UNC80: variants seen among roughly 807,000 people sequenced by gnomAD.
The protein encoded by UNC80 is unc-80 subunit of NALCN channel complex.
Under a neutral mutation model 384.6 loss-of-function variants are expected in UNC80, and 164 were observed. That is an observed-to-expected ratio of 0.43 (90% CI 0.38 to 0.49). The LOEUF is 0.49. Among genes scored for constraint, UNC80 ranks in the 20% least tolerant of loss-of-function variants. The probability of loss-of-function intolerance (pLI) is 0.00; values close to 1 mark genes in which losing one functional copy is unlikely to be tolerated. For synonymous variants in UNC80, 1,486 were observed against 1,527.8 expected, an observed-to-expected ratio of 0.97 and a Z score of 0.64; for missense variants, 3,330 against 4,143.0, an observed-to-expected ratio of 0.80 and a Z score of 5.39.
Position 209,976,885 on chromosome 2 carries a change from C to T in UNC80, c.8773-28C>T, listed in dbSNP as rs2093027639. On this transcript the variant is annotated intron_variant, in intron 57 of 64. Transcript: ENST00000673920. This position sits in a 1 kb window ranked among gnomAD's most constrained non-coding sequence, Gnocchi z 4.3. The stretch of plus-strand genomic sequence containing the variant: ...CCATTTTATGGATGGAAAATTGAGG[C>T]CCTGAGAATGTTATGCCTTCCTTTC... The T allele has an allele frequency of 1.3e-6, 2 of 1,486,834 alleles. No individual in the cohort carries two copies. Among genetic ancestry groups the T allele is most frequent in the South Asian group, 1.3e-5 (1 of 78,822 alleles). 92.1% of individuals were successfully genotyped at this position (1,486,834 alleles called of 1,614,324 possible).
rs2093495459 is a variant in UNC80 at position 209,997,109 on chromosome 2, T to G, written c.*1514T>G. 2 of 152,156 alleles carry G rather than the reference T, an allele frequency of 1.3e-5. No homozygotes were observed. The highest frequency in any genetic ancestry group is 6.5e-5 in the Admixed American group (1 of 15,288). 9.4% of individuals were successfully genotyped at this position (152,156 alleles called of 1,614,324 possible). ...GAATTGCTTATTAAATAGGCATACT[T>G]TATACTGTGGTTTATAATTTCAAAT... is the stretch of plus-strand genomic sequence containing the variant. On this transcript the variant is annotated 3_prime_UTR_variant, in exon 65 of 65. Transcript: ENST00000673920.
chr2:209,925,441 T>C (rs994049975), intron 35 of UNC80, among the ~76,000 whole-genome samples: 5 of 152,180 alleles, frequency 3.3e-5, no homozygotes, highest in Admixed American at 6.5e-5. Context: ...GCAAGATTTA[T>C]TGTGAAGAGC....
In UNC80 at chr2:209,815,373, C is replaced by A. The variant is rs2079657196; in HGVS notation, c.1317C>A (p.Gly439=). 6.4e-7 allele frequency: 1 copy of A among 1,551,076 alleles called. No individual in the cohort carries two copies. The highest frequency in any genetic ancestry group is 8.7e-7 in the Non-Finnish European group (1 of 1,146,800). The part of the protein sequence containing the change: ...SAVPDLSSDL[G]MNIFKKFKSR... The stretch of plus-strand genomic sequence containing the variant: ...TCCCAGATCTTTCTTCAGACCTGGG[C>A]ATGAATATTTTTAAAAAGGTGAGTA... The change falls in exon 9 of 65, where the codon GGC becomes GGA. Residue 439 remains glycine, a synonymous_variant. Coordinates refer to ENST00000673920, the MANE Select transcript of UNC80 (RefSeq NM_001371986.1).
intron 11 of UNC80, among the ~76,000 whole-genome samples, chr2:209,818,650 T>C (rs964335379): frequency 1.3e-5 from 2 of 152,214 alleles, no homozygotes; most frequent in East Asian, 1.9e-4. Flanking sequence ...TATAAACAAA[T>C]AGTTTATATC....
At chr2:209,922,663 C>G (rs945478546) in intron 35 of UNC80, among the ~76,000 whole-genome samples, 8 of 152,164 alleles carry the variant, frequency 5.3e-5, no homozygotes, top group African/African-American at 1.9e-4. Flanking sequence ...AGTTCTCCAC[C>G]TAGCTACAGT....
intron 38 of UNC80, among the ~76,000 whole-genome samples, chr2:209,932,921 T>A (rs576664123): frequency 6.6e-6 from 1 of 152,180 alleles, no homozygotes; most frequent in Non-Finnish European, 1.5e-5. Flanking sequence ...TGGCCCTCCT[T>A]AGGGTGTCCA....
chr2:209,813,920 T>C (rs2079543260), intron 8 of UNC80, 79 bp downstream of exon 8: 2 of 1,484,964 alleles, frequency 1.3e-6, no homozygotes, highest in African/African-American at 1.4e-5. Context: ...TGCATCCAGC[T>C]CTTAGGTACT....
intron 25 of UNC80, among the ~76,000 whole-genome samples, chr2:209,883,171 A>G (rs1156762897): frequency 6.6e-6 from 1 of 152,160 alleles, no homozygotes; most frequent in Non-Finnish European, 1.5e-5. Flanking sequence ...GCCACATTCT[A>G]ACTTATTGAA....
At chr2:209,970,697 G>GAAAGA in intron 53 of UNC80, 135 bp from the exon 54 acceptor site, 2 of 1,192,456 alleles carry the variant, frequency 1.7e-6, no homozygotes, top group Non-Finnish European at 2.3e-6. Context: ...AAGGCAACAA[G>GAAAGA]AAAGAAAAGA....
chr2:209,818,019 A>G lies in UNC80; in HGVS notation c.1693+67A>G, dbSNP rs371867569. ...TTTTTTTGTTTTCTGTCCTTACACC[A>G]TGTTACTTTCCCATTGTAATCCGCT... On this transcript the variant is annotated intron_variant, in intron 11 of 64. Transcript: ENST00000673920. 1.9e-5 allele frequency: 29 copies of G among 1,507,610 alleles called. No homozygotes were observed. The East Asian group carries it at 3.7e-4, about 19-fold the overall frequency. 93.4% of individuals were successfully genotyped at this position (1,507,610 alleles called of 1,614,324 possible). A position where few individuals can be genotyped will look rare whatever the true frequency, so the allele number is the denominator to read the frequency against.
At chr2:209,893,058 A>G (rs1314870733) in intron 26 of UNC80, among the ~76,000 whole-genome samples, 1 of 152,222 alleles carries the variant, frequency 6.6e-6, no homozygotes, top group Non-Finnish European at 1.5e-5. Flanking sequence ...AATGGCATTA[A>G]AAGTATACAT....
chr2:209,796,571 G>A (rs1343951560), intron 7 of UNC80: 2 of 152,270 alleles, frequency 1.3e-5, no homozygotes, highest in Non-Finnish European at 2.9e-5. Context: ...CTCATGTATT[G>A]TGGGAGGGAC....
At position 209,816,618 on chromosome 2, in the gene UNC80, A is replaced by G. The variant is rs1305156289; in HGVS notation, c.1336-291A>G. ...ATGTCTGAGAATTTGCATTTCTAATAAGTTCCCAAGTGATGCTGATGCTGC... is the reference window on the plus strand; with the variant it reads ...ATGTCTGAGAATTTGCATTTCTAATGAGTTCCCAAGTGATGCTGATGCTGC... On this transcript the variant is annotated intron_variant, in intron 9 of 64. Coordinates refer to ENST00000673920, the MANE Select transcript of UNC80 (RefSeq NM_001371986.1). 4.6e-5 allele frequency among the ~76,000 whole-genome samples: 7 copies of G among 152,346 alleles called. No homozygotes were observed. In the South Asian group the frequency reaches 1.5e-3, roughly 32 times the overall value.
At chr2:209,903,503 AG>A in intron 28 of UNC80, among the ~76,000 whole-genome samples, 1 of 110,204 alleles carries the variant, frequency 9.1e-6, no homozygotes, top group African/African-American at 3.6e-5. Flanking sequence ...TATTATATAT[AG>A]TATATATGTA....
At chr2:209,974,959 G>C (rs377028557) in intron 56 of UNC80, among the ~76,000 whole-genome samples, 7 of 152,120 alleles carry the variant, frequency 4.6e-5, no homozygotes, top group African/African-American at 1.7e-4. Context: ...TTGAGGGAAA[G>C]GAATTGAGAT....
At chr2:209,860,848 T>C (rs2083293834) in intron 22 of UNC80, among the ~76,000 whole-genome samples, 1 of 152,218 alleles carries the variant, frequency 6.6e-6, no homozygotes, top group African/African-American at 2.4e-5. Flanking sequence ...GGCTCTCTGC[T>C]TGTCTATCGC....
At chr2:209,786,841 TA>T (rs926546196) in intron 5 of UNC80, among the ~76,000 whole-genome samples, 2 of 151,884 alleles carry the variant, frequency 1.3e-5, no homozygotes, top group African/African-American at 4.8e-5. Flanking sequence ...GGCTTTTTAG[TA>T]AGAAGTAAAT....
intron 22 of UNC80, among the ~76,000 whole-genome samples, chr2:209,866,600 T>C (rs1470217136): frequency 1.3e-5 from 2 of 149,432 alleles, no homozygotes; most frequent in African/African-American, 5.0e-5. Flanking sequence ...AGTATTGCAG[T>C]TGGAAAAACC....
chr2:209,800,695 G>GTGCTATA (rs758298063), intron 7 of UNC80, among the ~76,000 whole-genome samples: 6 of 152,074 alleles, frequency 3.9e-5, no homozygotes, highest in Non-Finnish European at 8.8e-5. Context: ...TGGACATTTA[G>GTGCTATA]TGCTATAAAT....
Sources: allele counts gnomAD v4.1 joint callset (sites outside exome capture counted in the v4.1 genomes callset), GRCh38; gene constraint gnomAD v4.1.1; non-coding constraint Gnocchi (gnomAD v3.1); transcripts MANE v1.5; gene names NCBI Gene and HGNC (gene_info 2026-07-23, HGNC 2026-07-21).